Variants in FGFRL1 observed in about 807,000 individuals in gnomAD.
FGFRL1 encodes fibroblast growth factor receptor-like 1.
A neutral mutation model predicts 36.8 loss-of-function variants in FGFRL1; 24 were observed. The ratio of observed to expected loss-of-function variants is 0.65; its 90% confidence interval spans 0.47 to 0.92. The LOEUF (loss-of-function observed/expected upper bound fraction) is 0.92. Among genes scored for constraint, FGFRL1 ranks in the 40% least tolerant of loss-of-function variants. The pLI is 0.00. For missense variants in FGFRL1, 785 were observed against 753.4 expected, an observed-to-expected ratio of 1.04 and a Z score of -0.49; for synonymous variants, 422 against 344.1, an observed-to-expected ratio of 1.23 and a Z score of -2.50.
chr4:1,016,846 C>T (rs1258464101), intron 2 of FGFRL1, among the ~76,000 whole-genome samples: 1 of 152,250 alleles, frequency 6.6e-6, no homozygotes, highest in Middle Eastern at 3.4e-3. Flanking sequence ...CTCCTGGGGG[C>T]GGCCACTCTT....
At chr4:1,019,759 C>T (rs1716075453) in intron 2 of FGFRL1, among the ~76,000 whole-genome samples, 1 of 152,200 alleles carries the variant, frequency 6.6e-6, no homozygotes, top group Non-Finnish European at 1.5e-5. Context: ...GGCTGGGGCC[C>T]ATGGCCTGGG....
At chr4:1,024,862 G>A in intron 6 of FGFRL1, 43 bp from the exon 7 acceptor site, 1 of 1,539,710 alleles carries the variant, frequency 6.5e-7, no homozygotes, top group Non-Finnish European at 8.7e-7. Context: ...TGGTCTTTGT[G>A]TCGGCGTTCC....
At position 1,024,533 on chromosome 4, in the gene FGFRL1, G is replaced by A. The variant is rs370584141; in HGVS notation, c.941G>A (p.Arg314Gln). The A allele has an allele frequency of 9.3e-6, 15 of 1,612,374 alleles. No homozygotes were observed. The highest frequency in any genetic ancestry group is 2.7e-5 in the African/African-American group (2 of 74,892). The change falls in exon 6 of 7, where the codon CGG becomes CAG. Residue 314 changes from arginine to glutamine, a missense_variant. By Grantham distance (43) the Arg-to-Gln change is conservative. Transcript: ENST00000510644. Reference protein sequence around the residue: ...VVLPTGDVWSRPDGSYLNKLL... With the variant: ...VVLPTGDVWSQPDGSYLNKLL... ...CTGCCCACGGGTGACGTGTGGTCGC[G>A]GCCCGACGGCTCCTACCTCAATAAG...
At position 1,025,052 on chromosome 4, in the gene FGFRL1, C is replaced by T; in HGVS notation, c.1220C>T (p.Thr407Ile). The change falls in exon 7 of 7, where the codon ACC becomes ATC. Residue 407 changes from threonine (T) to isoleucine (I), a missense_variant. Thr to Ile is a moderately conservative substitution (Grantham distance 89). Transcript: ENST00000510644. ...WLCQAQKKPC[T>I]PAPAPPLPGH... ...TGCCAGGCCCAGAAGAAGCCGTGCACCCCCGCGCCTGCCCCTCCCCTGCCT... is the reference window on the plus strand; with the variant it reads ...TGCCAGGCCCAGAAGAAGCCGTGCATCCCCGCGCCTGCCCCTCCCCTGCCT... 6.2e-7 allele frequency: 1 copy of T among 1,609,888 alleles called. No homozygotes were observed. Among genetic ancestry groups the T allele is most frequent in the African/African-American group, 1.3e-5 (1 of 74,962 alleles).
chr4:1,024,471 C>G lies in FGFRL1; in HGVS notation c.879C>G (p.Asn293Lys), dbSNP rs777425704. Reference sequence around the variant, plus strand: ...AGTACGGCGCCGAGGGCCGCCACAACTCCACCATCGATGTGGGCGGCCAGA... The same window carrying G: ...AGTACGGCGCCGAGGGCCGCCACAAGTCCACCATCGATGTGGGCGGCCAGA... The part of the protein sequence containing the change: ...RVEYGAEGRH[N>K]STIDVGGQKF... The change falls in exon 6 of 7, where the codon AAC (asparagine) becomes AAG (lysine). Residue 293 changes from asparagine to lysine, a missense_variant. By Grantham distance (94) the Asn-to-Lys change is moderately conservative (BLOSUM62 0). Coordinates refer to ENST00000510644, the MANE Select transcript of FGFRL1 (RefSeq NM_001004356.3). 6.2e-7 allele frequency: 1 copy of G among 1,612,580 alleles called. No individual in the cohort carries two copies. Among genetic ancestry groups the G allele is most frequent in the African/African-American group, 1.3e-5 (1 of 75,050 alleles).
At chr4:1,018,935 C>T (rs1474879248) in intron 2 of FGFRL1, among the ~76,000 whole-genome samples, 1 of 152,156 alleles carries the variant, frequency 6.6e-6, no homozygotes. Flanking sequence ...AGGCTGTTTG[C>T]TTTAGGATAA....
intron 2 of FGFRL1, among the ~76,000 whole-genome samples, chr4:1,014,505 G>C (rs993035789): frequency 6.6e-6 from 1 of 152,212 alleles, no homozygotes; most frequent in African/African-American, 2.4e-5. Context: ...CTCTGCACCC[G>C]GCCAGCTGCG....
chr4:1,024,506 T>G lies in FGFRL1; in HGVS notation c.914T>G (p.Val305Gly). 6.2e-7 allele frequency: 1 copy of G among 1,612,514 alleles called. No homozygotes were observed. The highest frequency in any genetic ancestry group is 8.5e-7 in the Non-Finnish European group (1 of 1,179,842). Residue 305 changes from valine (V) to glycine (G), a missense_variant, in exon 6 of 7, where the codon GTG (valine) becomes GGG (glycine). By Grantham distance (109) the Val-to-Gly change is moderately radical. Transcript: ENST00000510644. ...TIDVGGQKFV[V>G]LPTGDVWSRP... ...GATGTGGGCGGCCAGAAGTTTGTGG[T>G]GCTGCCCACGGGTGACGTGTGGTCG... is the stretch of plus-strand genomic sequence containing the variant.
chr4:1,011,623 G>A (rs1302512442), upstream of FGFRL1, among the ~76,000 whole-genome samples: 7 of 143,254 alleles, frequency 4.9e-5, no homozygotes, highest in East Asian at 1.5e-3. Flanking sequence ...CGCTCGCTCC[G>A]GGAGAGTTGA....
chr4:1,025,500 C>G lies in FGFRL1; in HGVS notation c.*153C>G. On this transcript the variant is annotated 3_prime_UTR_variant, in exon 7 of 7. Transcript: ENST00000510644. ...CTGTGTGTGAGGCATAGCCCCTGGACACACACACACAGACACACACACTGC... is the reference window on the plus strand; with the variant it reads ...CTGTGTGTGAGGCATAGCCCCTGGAGACACACACACAGACACACACACTGC... 2 of 786,058 alleles carry G rather than the reference C, an allele frequency of 2.5e-6. No individual in the cohort carries two copies. The highest frequency in any genetic ancestry group is 3.9e-6 in the Non-Finnish European group (2 of 508,838). The allele number at this position is 786,058 out of a possible 1,614,324, so 48.7% of individuals were successfully genotyped here. A position where few individuals can be genotyped will look rare whatever the true frequency, so the allele number is the denominator to read the frequency against.
At chr4:1,022,969 T>C (rs1716279514) in intron 3 of FGFRL1, among the ~76,000 whole-genome samples, 1 of 151,602 alleles carries the variant, frequency 6.6e-6, no homozygotes, top group African/African-American at 2.4e-5. Flanking sequence ...GGCTCCTGGG[T>C]GTGGGGCCCT....
chr4:1,014,928 G>A (rs982774023), intron 2 of FGFRL1, among the ~76,000 whole-genome samples: 3 of 152,226 alleles, frequency 2.0e-5, no homozygotes, highest in South Asian at 2.1e-4. Context: ...AACGCCGACC[G>A]CAGACTCCTT....
chr4:1,024,684 C>T lies in FGFRL1; in HGVS notation c.1072+20C>T, dbSNP rs537202031. 135 of 1,580,146 alleles carry T rather than the reference C, an allele frequency of 8.5e-5. No individual in the cohort carries two copies. Among genetic ancestry groups the T allele is most frequent in the African/African-American group, 4.7e-4 (35 of 74,584 alleles). On this transcript the variant is annotated intron_variant, in intron 6 of 6. Transcript: ENST00000510644. The stretch of plus-strand genomic sequence containing the variant: ...TGCCAGGTGCGCGGCTGCCACGCCA[C>T]GCCACACCATGCTGGTGCCCGGACC...
chr4:1,015,740 C>T (rs887999210), intron 2 of FGFRL1, among the ~76,000 whole-genome samples: 10 of 152,222 alleles, frequency 6.6e-5, no homozygotes, highest in South Asian at 2.1e-4. Context: ...GCGTGGGGCC[C>T]GCTGGGCACG....
rs770787708 is a variant in FGFRL1, at chr4:1,012,472, C to T, written c.-14C>T. 5.7e-6 allele frequency: 9 copies of T among 1,576,432 alleles called. No individual in the cohort carries two copies. The highest frequency in any genetic ancestry group is 6.0e-6 in the Non-Finnish European group (7 of 1,165,630). On this transcript the variant is annotated splice_region_variant and 5_prime_UTR_variant, in exon 2 of 7. Transcript: ENST00000510644. ...GACGGCGCCCCCAATGTCCCCAGGTCCGGACAGGCCGAGATGACGCCGAGC... is the reference window on the plus strand; with the variant it reads ...GACGGCGCCCCCAATGTCCCCAGGTTCGGACAGGCCGAGATGACGCCGAGC...
At chr4:1,019,373 C>T (rs1349513810) in intron 2 of FGFRL1, among the ~76,000 whole-genome samples, 2 of 152,328 alleles carry the variant, frequency 1.3e-5, no homozygotes, top group South Asian at 2.1e-4. Flanking sequence ...AGGCCTGTGC[C>T]CAGGTAGCCA....
intron 1 of FGFRL1, 142 bp from the exon 2 acceptor site, chr4:1,012,328 G>C (rs1715633798): frequency 2.3e-6 from 2 of 859,488 alleles, no homozygotes; most frequent in African/African-American, 1.8e-5. Context: ...GCTTCTCCCC[G>C]CTGCGGCTTC....
intron 2 of FGFRL1, among the ~76,000 whole-genome samples, chr4:1,012,800 G>T (rs1715672878): frequency 6.6e-6 from 1 of 152,246 alleles, no homozygotes; most frequent in Non-Finnish European, 1.5e-5. Context: ...TGCTGGCCAG[G>T]TGGGCTTTAG....
In FGFRL1 at chr4:1,022,222, C is replaced by G. The variant is rs762788863; in HGVS notation, c.99C>G (p.Asp33Glu). The G allele has an allele frequency of 5.8e-6, 9 of 1,542,592 alleles. No individual in the cohort carries two copies. The highest frequency in any genetic ancestry group is 7.9e-6 in the Non-Finnish European group (9 of 1,140,918). The change falls in exon 3 of 7, where the codon GAC becomes GAG. Residue 33 changes from aspartate to glutamate, a missense_variant. Asp to Glu is a conservative substitution (Grantham distance 45). Transcript: ENST00000510644. The part of the protein sequence containing the change: ...AAARGPPKMA[D>E]KVVPRQVARL... ...CCGCAGGCCCCCCAAAGATGGCGGA[C>G]AAGGTGGTCCCACGGCAGGTGGCCC...
Sources: allele counts gnomAD v4.1 joint callset (sites outside exome capture counted in the v4.1 genomes callset), GRCh38; gene constraint gnomAD v4.1.1; transcripts MANE v1.5; gene names NCBI Gene and HGNC (gene_info 2026-07-23, HGNC 2026-07-21).